Variants in RNF32 observed in about 807,000 individuals in gnomAD.
RNF32 encodes the protein ring finger protein 32.
Under a neutral mutation model 41.0 loss-of-function variants are expected in RNF32, and 36 were observed. That is an observed-to-expected ratio of 0.88 (90% CI 0.67 to 1.16). The LOEUF (loss-of-function observed/expected upper bound fraction) is 1.16. Among genes scored for constraint, RNF32 ranks in the 50% most tolerant of loss-of-function variants. The pLI is 0.00. For synonymous variants in RNF32, 154 were observed against 160.9 expected (o/e 0.96, Z 0.32); for missense variants, 413 against 436.7 (o/e 0.95, Z 0.48).
At chr7:156,675,517 G>T (rs988061411) in intron 7 of RNF32, among the ~76,000 whole-genome samples, 179 bp from the exon 8 acceptor site, 1 of 152,182 alleles carries the variant, frequency 6.6e-6, no homozygotes, top group Non-Finnish European at 1.5e-5. Context: ...GTGGTCATCT[G>T]TCCAGATTAT....
chr7:156,640,556 C>A (rs1313816301), upstream of RNF32: 1 of 390,734 alleles, frequency 2.6e-6, no homozygotes, highest in African/African-American at 2.2e-5. Context: ...ACGCTGACGC[C>A]GTGCGCGGGG....
intron 4 of RNF32, among the ~76,000 whole-genome samples, chr7:156,656,917 C>G (rs1194161752): frequency 6.6e-6 from 1 of 152,236 alleles, no homozygotes; most frequent in Non-Finnish European, 1.5e-5. Context: ...ACTAAGTACC[C>G]ACTGCCTTCT....
intron 7 of RNF32, chr7:156,659,070 T>C (rs1389559086): frequency 7.3e-7 from 1 of 1,373,632 alleles, no homozygotes; most frequent in Non-Finnish European, 9.3e-7. Context: ...TTAACCACTA[T>C]TTATGCTTTA....
In RNF32 at chr7:156,655,852, T is replaced by C. The variant is rs576155068; in HGVS notation, c.417+1134T>C. Among the ~76,000 whole-genome samples, 4 of 152,228 alleles carry C rather than the reference T, an allele frequency of 2.6e-5. No homozygotes were observed. In the South Asian group the frequency reaches 8.3e-4, roughly 32 times the overall value. ...GGTGTCTTTCTGGCTAAGCACCCTC[T>C]TTCTTACTTATACTAAAATATCCAA... On this transcript the variant is annotated intron_variant, in intron 4 of 8. Coordinates refer to ENST00000317955, the MANE Select transcript of RNF32 (RefSeq NM_030936.4).
At chr7:156,671,817 G>A (rs7803221) in intron 7 of RNF32, among the ~76,000 whole-genome samples, 70,023 of 151,948 alleles carry the variant, frequency 0.46, 18,790 homozygotes, top group African/African-American at 0.75. Context: ...CCCTGACCAC[G>A]GTGCAGCTGA....
chr7:156,651,885 T>A (rs773499817), intron 3 of RNF32, among the ~76,000 whole-genome samples: 20 of 152,222 alleles, frequency 1.3e-4, no homozygotes, highest in Non-Finnish European at 2.8e-4. Flanking sequence ...GGGACGTTGC[T>A]TCTGGAATCC....
chr7:156,663,661 A>T (rs1800954223), intron 7 of RNF32, among the ~76,000 whole-genome samples: 1 of 152,218 alleles, frequency 6.6e-6, no homozygotes, highest in Admixed American at 6.5e-5. Context: ...GATTGATGAG[A>T]TAGAACAGCC....
chr7:156,647,597 G>A (rs1798138265), intron 3 of RNF32, among the ~76,000 whole-genome samples: 1 of 152,136 alleles, frequency 6.6e-6, no homozygotes, highest in South Asian at 2.1e-4. Flanking sequence ...GGGCACTTAG[G>A]TTGGTTCCGT....
rs73163966 is a variant in RNF32 at position 156,644,033 on chromosome 7, C to T, written c.15+141C>T. 2.1e-3 allele frequency: 1,507 copies of T among 710,900 alleles called. 3 individuals carry two copies. The highest frequency in any genetic ancestry group is 2.9e-3 in the Non-Finnish European group (1,204 of 410,180). The allele number at this position is 710,900 out of a possible 1,614,324, so 44.0% of individuals were successfully genotyped here. On this transcript the variant is annotated intron_variant, in intron 2 of 8. Coordinates refer to ENST00000317955, the MANE Select transcript of RNF32 (RefSeq NM_030936.4). ...AGCAGGAATGGGCGATGCCAAGTGT[C>T]GCATGGGGCAGTGGACAAGCCAATG...
chr7:156,663,353 T>TA (rs1800912099), intron 7 of RNF32, among the ~76,000 whole-genome samples: 1 of 152,216 alleles, frequency 6.6e-6, no homozygotes, highest in Admixed American at 6.5e-5. Context: ...ATGTTATGCA[T>TA]ATTATATAAA....
chr7:156,667,339 A>AT (rs1222763333), intron 7 of RNF32, among the ~76,000 whole-genome samples: 4 of 152,042 alleles, frequency 2.6e-5, no homozygotes, highest in East Asian at 1.9e-4. Context: ...TTGTTAGTAT[A>AT]TTTTTTTTAA....
chr7:156,652,759 A>G (rs1470162279), intron 3 of RNF32, among the ~76,000 whole-genome samples: 1 of 152,142 alleles, frequency 6.6e-6, no homozygotes, highest in East Asian at 1.9e-4. Flanking sequence ...AATATTTTGT[A>G]TTAACTGAAA....
chr7:156,667,381 C>T (rs1178581363), intron 7 of RNF32, among the ~76,000 whole-genome samples: 1 of 152,048 alleles, frequency 6.6e-6, no homozygotes, highest in African/African-American at 2.4e-5. Context: ...TGTAAATGAC[C>T]AGTAATTGTT....
intron 3 of RNF32, among the ~76,000 whole-genome samples, chr7:156,652,234 G>C (rs930801749): frequency 1.3e-5 from 2 of 152,106 alleles, no homozygotes; most frequent in African/African-American, 4.8e-5. Flanking sequence ...ATGCAGTTCT[G>C]ATTCCTGATC....
At chr7:156,656,955 T>C (rs575319314) in intron 4 of RNF32, among the ~76,000 whole-genome samples, 7 of 152,358 alleles carry the variant, frequency 4.6e-5, no homozygotes, top group Non-Finnish European at 1.0e-4. Context: ...CTTCAGTCTT[T>C]TGTCACAGCC....
Position 156,670,474 on chromosome 7 carries a change from T to C in RNF32, c.685-5222T>C, listed in dbSNP as rs1029005908. ...GAACACGTGGGACAGAGGCAACAGC[T>C]TGAAGCAACAAAGGCTAAGAATTTT... On this transcript the variant is annotated intron_variant, in intron 7 of 8. Transcript: ENST00000317955. This position sits in a 1 kb window ranked among gnomAD's most constrained non-coding sequence, Gnocchi z 4.3. 6.6e-6 allele frequency among the ~76,000 whole-genome samples: 1 copy of C among 152,216 alleles called. No homozygotes were observed. Among genetic ancestry groups the C allele is most frequent in the Non-Finnish European group, 1.5e-5 (1 of 68,044 alleles).
rs936964580 is a variant in RNF32 at position 156,640,816 on chromosome 7, G to C, written c.-78+5G>C. Reference sequence around the variant, plus strand: ...GGTGTTCGCGGAGGAGTCGAGGCACGGAGAGGCTTCGGGGGAGGGACGGAA... The same window carrying C: ...GGTGTTCGCGGAGGAGTCGAGGCACCGAGAGGCTTCGGGGGAGGGACGGAA... On this transcript the variant is annotated splice_donor_5th_base_variant and intron_variant, in intron 1 of 8. Coordinates refer to ENST00000317955, the MANE Select transcript of RNF32 (RefSeq NM_030936.4). 4.5e-6 allele frequency: 1 copy of C among 224,226 alleles called. No individual in the cohort carries two copies. Among genetic ancestry groups the C allele is most frequent in the Non-Finnish European group, 9.0e-6 (1 of 111,140 alleles). The allele number at this position is 224,226 out of a possible 1,614,324, so 13.9% of individuals were successfully genotyped here.
intron 6 of RNF32, 98 bp downstream of exon 6, chr7:156,658,350 C>A: frequency 6.4e-7 from 1 of 1,560,310 alleles, no homozygotes; most frequent in Non-Finnish European, 8.8e-7. Flanking sequence ...CTCTTCTTGG[C>A]CACCATAATT....
chr7:156,674,770 A>G (rs1190250669), intron 7 of RNF32, among the ~76,000 whole-genome samples: 1 of 152,252 alleles, frequency 6.6e-6, no homozygotes. Context: ...GTCAGATACA[A>G]TATTAAAATT....
Sources: gnomAD v4.1 joint callset for allele counts (sites outside exome capture counted in the v4.1 genomes callset) on GRCh38, gnomAD v4.1.1 for gene constraint, Gnocchi (gnomAD v3.1) non-coding constraint, MANE v1.5 for transcripts, NCBI Gene and HGNC (gene_info 2026-07-23, HGNC 2026-07-21) for gene names.